Variants in NINL observed in about 807,000 individuals in gnomAD.
The protein encoded by NINL is ninein-like protein.
NINL carries 153 observed loss-of-function variants against 160.3 expected under a neutral mutation model. The ratio of observed to expected loss-of-function variants is 0.95; its 90% CI spans 0.84 to 1.09. The LOEUF (loss-of-function observed/expected upper bound fraction) is 1.09. Ranked by LOEUF, NINL falls within the 50% of genes least tolerant of loss-of-function variation. NINL has a pLI of 0.00. For synonymous variants in NINL, 800 were observed against 734.8 expected (o/e 1.09, Z -1.43); for missense variants, 1,829 against 1,764.0 (o/e 1.04, Z -0.66).
At position 25,453,485 on chromosome 20, in the gene NINL, A is replaced by G; in HGVS notation, c.4115T>C (p.Val1372Ala). ...GAGGGCTGCGGGGGCAATCCTACTG[A>G]CGAGTTTGTTGAGAGCGCGAACTTT... ...EEKVRALNKL[V>A]SRIAPAALSV The change falls in exon 24 of 24, where the codon GTC becomes GCC. Residue 1372 changes from valine (V) to alanine (A), a missense_variant. Coordinates refer to ENST00000278886, the MANE Select transcript of NINL (RefSeq NM_025176.6). 1 of 1,613,260 alleles carries G rather than the reference A, an allele frequency of 6.2e-7. No individual in the cohort carries two copies. The highest frequency in any genetic ancestry group is 8.5e-7 in the Non-Finnish European group (1 of 1,179,700).
intron 1 of NINL, among the ~76,000 whole-genome samples, chr20:25,567,164 TG>T (rs1277683487): frequency 6.6e-6 from 1 of 152,092 alleles, no homozygotes; most frequent in African/African-American, 2.4e-5. Context: ...AGACTGCTCA[TG>T]GTAGAGGAAA....
rs746406584 is a variant in NINL at position 25,481,958 on chromosome 20, G to A, written c.1810+10C>T. On this transcript the variant is annotated intron_variant, in intron 14 of 23. Transcript: ENST00000278886. ...CTTGGGTCAGCCCCCTCCCAGGGAC[G>A]GGCTCCTACCTGCTGGGCCGAGTCC... 9.4e-6 allele frequency: 15 copies of A among 1,594,216 alleles called. No individual in the cohort carries two copies. The highest frequency in any genetic ancestry group is 2.2e-5 in the South Asian group (2 of 90,820).
rs182526959 is a variant in NINL, at chr20:25,510,685, A to G, written c.506T>C (p.Phe169Ser). 3.7e-5 allele frequency: 59 copies of G among 1,613,802 alleles called. No homozygotes were observed. In the Middle Eastern group the frequency reaches 6.8e-4, roughly 19 times the overall value. Residue 169 changes from phenylalanine to serine, a missense_variant, in exon 5 of 24, where the codon TTT becomes TCT. Coordinates refer to ENST00000278886, the MANE Select transcript of NINL (RefSeq NM_025176.6). ...GGCTGAGGCTTTACCTTGTGCTTCA[A>G]ATAATTCATTCTGAGCTTCTTTAGT... ...ESTKEAQNELFEAQGQLQTWD... is the reference protein window; with the variant it reads ...ESTKEAQNELSEAQGQLQTWD...
chr20:25,537,331 C>G (rs934755667), intron 1 of NINL, among the ~76,000 whole-genome samples: 1 of 152,204 alleles, frequency 6.6e-6, no homozygotes, highest in Non-Finnish European at 1.5e-5. Context: ...GATCCTTCTA[C>G]CGGGGCCTCC....
chr20:25,491,831 C>A (rs1246364482), intron 10 of NINL, among the ~76,000 whole-genome samples: 1 of 152,206 alleles, frequency 6.6e-6, no homozygotes, highest in Non-Finnish European at 1.5e-5. Context: ...GCCCCTCCAC[C>A]CGGTGTGCAT....
At chr20:25,565,205 C>T (rs958946098) in intron 1 of NINL, among the ~76,000 whole-genome samples, 4 of 152,138 alleles carry the variant, frequency 2.6e-5, no homozygotes, top group African/African-American at 9.7e-5. Context: ...AGAAAAGTAA[C>T]CATTTTGAAA....
At chr20:25,529,797 C>T (rs1293131394) in intron 1 of NINL, among the ~76,000 whole-genome samples, 1 of 152,086 alleles carries the variant, frequency 6.6e-6, no homozygotes, top group Admixed American at 6.5e-5. Flanking sequence ...GCTGTGATAG[C>T]GCCACTGCAC....
chr20:25,580,375 A>G (rs951989465), intron 1 of NINL, among the ~76,000 whole-genome samples: 5 of 152,246 alleles, frequency 3.3e-5, no homozygotes, highest in Admixed American at 1.3e-4. Context: ...TATGAGATAC[A>G]AAGTAACAAT....
At chr20:25,469,087 CCTGA>C (rs1320424789) in intron 18 of NINL, among the ~76,000 whole-genome samples, 1 of 147,240 alleles carries the variant, frequency 6.8e-6, no homozygotes, top group African/African-American at 2.6e-5. Context: ...TGCCCTGTCC[CCTGA>C]CTCTCACTGG....
At position 25,476,641 on chromosome 20, in the gene NINL, C is replaced by T; in HGVS notation, c.2650G>A (p.Asp884Asn). 3.8e-6 allele frequency: 6 copies of T among 1,588,612 alleles called. No homozygotes were observed. Among genetic ancestry groups the T allele is most frequent in the Non-Finnish European group, 5.1e-6 (6 of 1,173,788 alleles). The change falls in exon 17 of 24, where the codon GAC becomes AAC. Residue 884 changes from aspartate (D) to asparagine (N), a missense_variant. Transcript: ENST00000278886. ...GCCGGGCTCTGCGTAGCTTCTGTGT[C>T]CTGGGCTTGCCTGCGGCGAGGCCCG... ...GAGPRRRQAQ[D>N]TEATQSPAPA...
intron 1 of NINL, among the ~76,000 whole-genome samples, chr20:25,575,821 CT>C (rs1169938838): frequency 6.6e-6 from 1 of 152,114 alleles, no homozygotes; most frequent in Non-Finnish European, 1.5e-5. Flanking sequence ...CCTCACTCGG[CT>C]GGCTTCACCA....
At chr20:25,521,153 T>C (rs753447468) in intron 2 of NINL, among the ~76,000 whole-genome samples, 10 of 152,242 alleles carry the variant, frequency 6.6e-5, no homozygotes, top group Non-Finnish European at 1.0e-4. Flanking sequence ...TCTTTTTATA[T>C]CTTCATGCTG....
chr20:25,480,083 T>C lies in NINL; in HGVS notation c.1917+78A>G, dbSNP rs980947632. The C allele has an allele frequency of 2.2e-5, 22 of 1,008,454 alleles. No individual in the cohort carries two copies. The African/African-American group carries it at 3.5e-4, about 16-fold the overall frequency. The allele number at this position is 1,008,454 out of a possible 1,614,324, so 62.5% of individuals were successfully genotyped here. A position where few individuals can be genotyped will look rare whatever the true frequency, so the allele number is the denominator to read the frequency against. Reference sequence around the variant, plus strand: ...ATTCCAGGGCAGACGCATGTGGAAATGTCAGCGTGCCCAAGTAAAGCTGCC... The same window carrying C: ...ATTCCAGGGCAGACGCATGTGGAAACGTCAGCGTGCCCAAGTAAAGCTGCC... On this transcript the variant is annotated intron_variant, in intron 15 of 23. Transcript: ENST00000278886.
chr20:25,494,765 G>A (rs1485007525), intron 10 of NINL, among the ~76,000 whole-genome samples: 2 of 152,214 alleles, frequency 1.3e-5, no homozygotes, highest in African/African-American at 4.8e-5. Flanking sequence ...GATGGGGGGC[G>A]CCCACTGGCC....
At chr20:25,506,382 C>T (rs2063962185) in intron 5 of NINL, among the ~76,000 whole-genome samples, 1 of 152,228 alleles carries the variant, frequency 6.6e-6, no homozygotes, top group Non-Finnish European at 1.5e-5. Flanking sequence ...GTGAAGCCCA[C>T]AGCACCTGCT....
chr20:25,528,288 C>T (rs749061864), intron 1 of NINL, among the ~76,000 whole-genome samples: 4 of 152,172 alleles, frequency 2.6e-5, no homozygotes, highest in Non-Finnish European at 5.9e-5. Flanking sequence ...CCTGCTGCGG[C>T]CTCCCAAAGT....
chr20:25,493,287 T>C (rs2063678153), intron 10 of NINL, among the ~76,000 whole-genome samples: 1 of 152,156 alleles, frequency 6.6e-6, no homozygotes, highest in Non-Finnish European at 1.5e-5. Context: ...GGGATGAGGC[T>C]GTGCTCGGGA....
chr20:25,485,314 C>T (rs957796543), intron 13 of NINL, among the ~76,000 whole-genome samples: 3 of 152,162 alleles, frequency 2.0e-5, no homozygotes, highest in African/African-American at 7.2e-5. Context: ...TCGCTTGTGG[C>T]TTTTACAAAT....
intron 1 of NINL, among the ~76,000 whole-genome samples, chr20:25,577,901 C>T (rs2065134697): frequency 6.6e-6 from 1 of 151,332 alleles, no homozygotes; most frequent in African/African-American, 2.4e-5. Context: ...GGCGCGATCT[C>T]GGCTCACTGC....
Sources: gnomAD v4.1 joint callset for allele counts (sites outside exome capture counted in the v4.1 genomes callset) on GRCh38, gnomAD v4.1.1 for gene constraint, MANE v1.5 for transcripts, NCBI Gene and HGNC (gene_info 2026-07-23, HGNC 2026-07-21) for gene names.